AGBL4: variants seen among roughly 807,000 people sequenced by gnomAD.
AGBL4 encodes the protein cytosolic carboxypeptidase 6.
Under a neutral mutation model 66.4 loss-of-function variants are expected in AGBL4, and 58 were observed. The ratio of observed to expected loss-of-function variants is 0.87; its 90% confidence interval spans 0.71 to 1.09. The LOEUF is 1.09. Ranked by LOEUF, AGBL4 falls within the 50% of genes least tolerant of loss-of-function variation. AGBL4 has a pLI of 0.00. For synonymous variants in AGBL4, 234 were observed against 222.9 expected (o/e 1.05, Z -0.44); for missense variants, 579 against 631.0 (o/e 0.92, Z 0.88).
chr1:49,703,886 G>A (rs951779433), intron 2 of AGBL4, among the ~76,000 whole-genome samples: 5 of 151,950 alleles, frequency 3.3e-5, no homozygotes, highest in Admixed American at 6.6e-5. Flanking sequence ...GCAAAGTCAC[G>A]AAGTGAATAT....
At chr1:49,761,847 T>C (rs1395427847) in intron 2 of AGBL4, among the ~76,000 whole-genome samples, 1 of 152,202 alleles carries the variant, frequency 6.6e-6, no homozygotes, top group Non-Finnish European at 1.5e-5. Context: ...TGTCTCCCCA[T>C]TCTCCCCTTC....
chr1:49,956,553 A>G (rs1473159409), intron 1 of AGBL4, among the ~76,000 whole-genome samples: 1 of 151,988 alleles, frequency 6.6e-6, no homozygotes, highest in African/African-American at 2.4e-5. Flanking sequence ...AAGGCAACTT[A>G]GTATGCTAGG....
intron 5 of AGBL4, among the ~76,000 whole-genome samples, chr1:48,879,289 G>GTGTGTGTGTGTGTGTGTT (rs1649528075): frequency 1.3e-5 from 2 of 151,966 alleles, no homozygotes; most frequent in Non-Finnish European, 2.9e-5. Flanking sequence ...GTGTGTGTGT[G>GTGTGTGTGTGTGTGTGTT]TGTGCACGAG....
intron 4 of AGBL4, among the ~76,000 whole-genome samples, chr1:49,096,157 T>G (rs1465948875): frequency 1.3e-5 from 2 of 151,692 alleles, no homozygotes; most frequent in African/African-American, 4.8e-5. Flanking sequence ...TCACACCAGT[T>G]AGAATGGCGA....
intron 3 of AGBL4, among the ~76,000 whole-genome samples, chr1:49,350,253 G>C (rs1645724443): frequency 6.7e-6 from 1 of 149,648 alleles, no homozygotes; most frequent in Non-Finnish European, 1.5e-5. Context: ...GCCCAGGCTG[G>C]AGTGCAGTGG....
chr1:48,978,918 C>A (rs1422559522), intron 5 of AGBL4, among the ~76,000 whole-genome samples: 15 of 152,056 alleles, frequency 9.9e-5, no homozygotes, highest in South Asian at 6.2e-4. Context: ...GCAAAGATAC[C>A]TGTGCACTCA....
intron 5 of AGBL4, among the ~76,000 whole-genome samples, chr1:48,872,536 C>A (rs903415135): frequency 6.6e-6 from 1 of 152,104 alleles, no homozygotes. Context: ...TGCAGCCTAC[C>A]AATATAGATA....
chr1:49,546,051 C>T (rs1163606114), intron 3 of AGBL4, among the ~76,000 whole-genome samples: 2 of 152,064 alleles, frequency 1.3e-5, no homozygotes, highest in African/African-American at 4.8e-5. Context: ...TCCCCAAAGT[C>T]CCCACAGGCC....
chr1:48,526,493 C>T, the AGBL4 span, among the ~76,000 whole-genome samples: 1 of 152,098 alleles, frequency 6.6e-6, no homozygotes, highest in African/African-American at 2.4e-5. Flanking sequence ...TCAGTCAGGG[C>T]AGAACAGCAG....
At chr1:49,110,099 T>C (rs1453186024) in intron 4 of AGBL4, among the ~76,000 whole-genome samples, 1 of 152,230 alleles carries the variant, frequency 6.6e-6, no homozygotes, top group Non-Finnish European at 1.5e-5. Flanking sequence ...ATTTGAAATC[T>C]AATCCATTGA....
intron 9 of AGBL4, among the ~76,000 whole-genome samples, chr1:48,596,708 G>C (rs1364447419): frequency 6.6e-6 from 1 of 152,136 alleles, no homozygotes; most frequent in African/African-American, 2.4e-5. Flanking sequence ...GGCTCCCAAA[G>C]TGCTGGGTTT....
intron 3 of AGBL4, among the ~76,000 whole-genome samples, chr1:49,523,911 C>A (rs1424582903): frequency 6.6e-6 from 1 of 151,914 alleles, no homozygotes; most frequent in African/African-American, 2.4e-5. Context: ...ATAGCAAGGG[C>A]CTCAGTCATG....
intron 1 of AGBL4, among the ~76,000 whole-genome samples, chr1:49,935,269 CA>C (rs1390036452): frequency 6.6e-6 from 1 of 152,228 alleles, no homozygotes; most frequent in Non-Finnish European, 1.5e-5. Context: ...AAGGCGGCAG[CA>C]AGGCTGGGGG....
chr1:49,314,296 A>G (rs1459508835), intron 3 of AGBL4, among the ~76,000 whole-genome samples: 1 of 151,942 alleles, frequency 6.6e-6, no homozygotes, highest in Non-Finnish European at 1.5e-5. Context: ...GGTTTGTTAC[A>G]TAGGTATACA....
downstream of AGBL4, among the ~76,000 whole-genome samples, chr1:48,531,258 T>G (rs1643905110): frequency 6.6e-6 from 1 of 152,076 alleles, no homozygotes; most frequent in African/African-American, 2.4e-5. Flanking sequence ...AGTCCATATA[T>G]GCTGTAATTC....
At chr1:48,913,958 TA>T (rs1456976581) in intron 5 of AGBL4, among the ~76,000 whole-genome samples, 1 of 152,140 alleles carries the variant, frequency 6.6e-6, no homozygotes, top group East Asian at 1.9e-4. Context: ...AGTCCTGTTT[TA>T]AAACACATTT....
intron 5 of AGBL4, among the ~76,000 whole-genome samples, chr1:48,917,519 A>T (rs1653692082): frequency 6.6e-6 from 1 of 152,140 alleles, no homozygotes; most frequent in Non-Finnish European, 1.5e-5. Context: ...AATCTCACAA[A>T]ACTCCCATGA....
intron 2 of AGBL4, among the ~76,000 whole-genome samples, chr1:49,728,006 C>G (rs1649160037): frequency 6.6e-6 from 1 of 152,050 alleles, no homozygotes. Context: ...CCACTCAAAT[C>G]AAAGCTGACA....
chr1:48,636,915 T>C (rs1645676585), intron 8 of AGBL4, among the ~76,000 whole-genome samples: 1 of 152,236 alleles, frequency 6.6e-6, no homozygotes, highest in Admixed American at 6.5e-5. Flanking sequence ...GGAACAAGGA[T>C]GAGGCAAGAG....
Sources: allele counts gnomAD v4.1 joint callset (sites outside exome capture counted in the v4.1 genomes callset), GRCh38; gene constraint gnomAD v4.1.1; transcripts MANE v1.5; gene names NCBI Gene and HGNC (gene_info 2026-07-23, HGNC 2026-07-21).